PZP: variants seen among roughly 807,000 people sequenced by gnomAD.
PZP encodes the protein PZP alpha-2-macroglobulin like, also known as pregnancy zone protein.
A neutral mutation model predicts 179.8 loss-of-function variants in PZP; 150 were observed. The observed-to-expected ratio is 0.83, with a 90% CI of 0.73 to 0.96. PZP has a LOEUF of 0.96. Ranked by LOEUF, PZP falls within the 40% of genes least tolerant of loss-of-function variation. PZP has a pLI of 0.00. For synonymous variants in PZP, 624 were observed against 652.3 expected, an observed-to-expected ratio of 0.96 and a Z score of 0.66; for missense variants, 1,689 against 1,764.0, an observed-to-expected ratio of 0.96 and a Z score of 0.76.
At chr12:9,165,004 A>G (rs1592471290) in intron 19 of PZP, 135 bp downstream of exon 19, 3 of 1,071,126 alleles carry the variant, frequency 2.8e-6, no homozygotes, top group Non-Finnish European at 4.1e-6. Context: ...CCTGCTTTGC[A>G]TAGCACTAAT....
chr12:9,163,915 G>T, intron 20 of PZP, 126 bp from the exon 21 acceptor site: 6 of 1,321,520 alleles, frequency 4.5e-6, no homozygotes, highest in Non-Finnish European at 6.1e-6. Flanking sequence ...AACCCACAAG[G>T]TTAATGTATA....
intron 1 of PZP, among the ~76,000 whole-genome samples, chr12:9,204,961 G>T (rs1409646765): frequency 2.6e-5 from 4 of 151,882 alleles, no homozygotes; most frequent in Non-Finnish European, 5.9e-5. Flanking sequence ...ATTTAGCCAG[G>T]TGGCACATGG....
intron 15 of PZP, among the ~76,000 whole-genome samples, chr12:9,174,322 A>C (rs1942210932): frequency 6.6e-6 from 1 of 151,766 alleles, no homozygotes; most frequent in Non-Finnish European, 1.5e-5. Flanking sequence ...TTGAAGGAAC[A>C]TACCTCATAA....
rs1415037703 is a variant in PZP at position 9,194,613 on chromosome 12, C to T, written c.1093-375G>A. 6.6e-5 allele frequency among the ~76,000 whole-genome samples: 10 copies of T among 151,946 alleles called. No individual in the cohort carries two copies. The South Asian group carries it at 8.3e-4, about 13-fold the overall frequency. On this transcript the variant is annotated intron_variant, in intron 10 of 35. Transcript: ENST00000261336. ...CCGAGTAGCTGGGACTACAGGCGCC[C>T]GCCACCCCGCCCAGCTAATTTTTTG...
At chr12:9,164,359 A>G in intron 19 of PZP, 100 bp from the exon 20 acceptor site, 1 of 1,316,112 alleles carries the variant, frequency 7.6e-7, no homozygotes, top group Non-Finnish European at 1.0e-6. Context: ...GTAAATTGGG[A>G]TTTGTAAGAA....
At chr12:9,162,909 C>A (rs11611826) in intron 21 of PZP, among the ~76,000 whole-genome samples, 11,717 of 152,222 alleles carry the variant, frequency 0.077, 548 homozygotes, top group African/African-American at 0.14. Flanking sequence ...ACTAGCTATT[C>A]TTCCTGATGC....
rs1478116421 is a variant in PZP, at chr12:9,196,313, A to G, written c.1092+17T>C. The G allele has an allele frequency of 6.4e-7, 1 of 1,562,056 alleles. No homozygotes were observed. The highest frequency in any genetic ancestry group is 8.8e-7 in the Non-Finnish European group (1 of 1,133,564). ...AACTGGATACTTTGCTTACCTGTGC[A>G]TTACAACATATCTTACCTGTGCAAA... On this transcript the variant is annotated intron_variant, in intron 10 of 35. Transcript: ENST00000261336.
At position 9,203,812 on chromosome 12, in the gene PZP, C is replaced by G. The variant is rs749090081; in HGVS notation, c.223G>C (p.Asp75His). ...AATAAGTCCTTCTCCGCCACCAGGT[C>G]AGTGAAGAGGCTCCTGTTTTCCCTG... ...SGRENRSLFT[D>H]LVAEKDLFHC... is the part of the protein sequence containing the mutation. Residue 75 changes from aspartate (D) to histidine (H), a missense_variant, in exon 2 of 36, where the codon GAC becomes CAC. Coordinates refer to ENST00000261336, the MANE Select transcript of PZP (RefSeq NM_002864.3). 22 of 1,614,012 alleles carry G rather than the reference C, an allele frequency of 1.4e-5. No homozygotes were observed. The East Asian group carries it at 4.5e-4, about 33-fold the overall frequency.
chr12:9,162,335 T>C, intron 22 of PZP: 1 of 365,694 alleles, frequency 2.7e-6, no homozygotes, highest in Non-Finnish European at 4.9e-6. Context: ...GAGCAGCCAC[T>C]GGGCTATCCA....
chr12:9,149,614 CG>C lies in PZP; in HGVS notation c.4385-13del. On this transcript the variant is annotated splice_polypyrimidine_tract_variant and intron_variant, in intron 34 of 35. Transcript: ENST00000261336. ...AACCACAGACTCATCTGAAAGATAACGTTGGGTGAAGGAAGAAACGAAAGAT... is the reference window on the plus strand; with the variant it reads ...AACCACAGACTCATCTGAAAGATAACTTGGGTGAAGGAAGAAACGAAAGAT... 1 of 1,611,750 alleles carries C rather than the reference CG, an allele frequency of 6.2e-7. No homozygotes were observed. The highest frequency in any genetic ancestry group is 2.2e-5 in the East Asian group (1 of 44,842).
rs779146756 is a variant in PZP, at chr12:9,163,653, C to T, written c.2736+15G>A. On this transcript the variant is annotated intron_variant, in intron 21 of 35. Transcript: ENST00000261336. Reference sequence around the variant, plus strand: ...GCATTCTTACAGTTGTTAGGGACTCCCAAAAATATGTTACCTCCACCAACA... The same window carrying T: ...GCATTCTTACAGTTGTTAGGGACTCTCAAAAATATGTTACCTCCACCAACA... 2 of 1,611,710 alleles carry T rather than the reference C, an allele frequency of 1.2e-6. No homozygotes were observed. Among genetic ancestry groups the T allele is most frequent in the Middle Eastern group, 1.7e-4 (1 of 6,036 alleles).
the PZP span, among the ~76,000 whole-genome samples, chr12:9,137,248 G>A: frequency 5.3e-5 from 8 of 151,946 alleles, no homozygotes; most frequent in Admixed American, 5.2e-4. Context: ...TTTGCTTATG[G>A]ATATACAGTT....
At chr12:9,157,663 C>A in intron 27 of PZP, 104 bp downstream of exon 27, 1 of 1,049,478 alleles carries the variant, frequency 9.5e-7, no homozygotes, top group South Asian at 1.5e-5. Context: ...AATCCCTCAT[C>A]ATTGAACCAA....
chr12:9,192,408 AC>A, intron 12 of PZP, 103 bp downstream of exon 12: 1 of 1,288,672 alleles, frequency 7.8e-7, no homozygotes, highest in Non-Finnish European at 1.1e-6. Context: ...CAACAAGAAC[AC>A]AAGGTGGCTG....
Position 9,165,243 on chromosome 12 carries a change from A to T in PZP, c.2383T>A (p.Phe795Ile). ...GTGAGCTCCACAAAGAAGGGCTGGA[A>T]GGCTCGGAGAGAGGCAGTGGAAGAG... Reference protein sequence around the residue: ...GISSTASLRAFQPFFVELTMP... With the variant: ...GISSTASLRAIQPFFVELTMP... The change falls in exon 19 of 36, where the codon TTC (phenylalanine) becomes ATC (isoleucine). Residue 795 changes from phenylalanine (F) to isoleucine (I), a missense_variant. By Grantham distance (21) the Phe-to-Ile change is conservative. Coordinates refer to ENST00000261336, the MANE Select transcript of PZP (RefSeq NM_002864.3). The T allele has an allele frequency of 6.2e-7, 1 of 1,614,204 alleles. No homozygotes were observed. The highest frequency in any genetic ancestry group is 8.5e-7 in the Non-Finnish European group (1 of 1,180,040).
chr12:9,197,606 T>C (rs1943871629), intron 7 of PZP, among the ~76,000 whole-genome samples: 1 of 102,510 alleles, frequency 9.8e-6, no homozygotes, highest in South Asian at 2.7e-4. Context: ...AAATATAATA[T>C]ATATTATATA....
At chr12:9,162,055 C>G (rs887792143) in intron 22 of PZP, among the ~76,000 whole-genome samples, 1 of 152,038 alleles carries the variant, frequency 6.6e-6, no homozygotes, top group East Asian at 1.9e-4. Context: ...TCCCCCTGCC[C>G]GGCTCAAGCG....
intron 32 of PZP, 93 bp from the exon 33 acceptor site, chr12:9,151,765 C>T (rs1362179216): frequency 2.0e-6 from 2 of 978,548 alleles, no homozygotes; most frequent in Non-Finnish European, 3.1e-6. Context: ...GACAAATGGT[C>T]ATTCTCTGAA....
At chr12:9,179,303 C>T (rs1052437360) in intron 15 of PZP, among the ~76,000 whole-genome samples, 4 of 152,006 alleles carry the variant, frequency 2.6e-5, no homozygotes, top group Non-Finnish European at 5.9e-5. Flanking sequence ...CACCTATATC[C>T]TTTTTTATTG....
Sources: gnomAD v4.1 joint callset for allele counts (sites outside exome capture counted in the v4.1 genomes callset) on GRCh38, gnomAD v4.1.1 for gene constraint, MANE v1.5 for transcripts, NCBI Gene and HGNC (gene_info 2026-07-23, HGNC 2026-07-21) for gene names.